PDCD11: variants seen among roughly 807,000 people sequenced by gnomAD.
The protein encoded by PDCD11 is protein RRP5 homolog.
PDCD11 carries 97 observed loss-of-function variants against 198.9 expected under a neutral mutation model. The ratio of observed to expected loss-of-function variants is 0.49; its 90% CI spans 0.41 to 0.58. PDCD11 has a LOEUF of 0.58. PDCD11 is among the 20% of genes least tolerant of loss of function. The probability of loss-of-function intolerance (pLI) is 0.00; values close to 1 mark genes in which losing one functional copy is unlikely to be tolerated. For missense variants in PDCD11, 2,102 were observed against 2,312.7 expected (o/e 0.91, Z 1.87); for synonymous variants, 893 against 918.0 (o/e 0.97, Z 0.49).
chr10:103,425,731 G>A (rs1217894754), intron 20 of PDCD11, among the ~76,000 whole-genome samples: 1 of 151,932 alleles, frequency 6.6e-6, no homozygotes, highest in Non-Finnish European at 1.5e-5. Flanking sequence ...CCAGGCTGAA[G>A]TGCAGTGGTG....
chr10:103,416,792 C>G, intron 13 of PDCD11, 50 bp downstream of exon 13: 1 of 1,591,434 alleles, frequency 6.3e-7, no homozygotes, highest in South Asian at 1.1e-5. Context: ...ACCCCACAAA[C>G]ACAAATATGA....
chr10:103,442,655 TC>T (rs1376542434), intron 32 of PDCD11, among the ~76,000 whole-genome samples, 195 bp downstream of exon 32: 3 of 152,200 alleles, frequency 2.0e-5, no homozygotes, highest in Admixed American at 2.0e-4. Context: ...TATTTTATAG[TC>T]TTCTTCCCTG....
chr10:103,425,485 A>G lies in PDCD11; in HGVS notation c.3265A>G (p.Thr1089Ala). The change falls in exon 20 of 36, where the codon ACT becomes GCT. Residue 1089 changes from threonine to alanine, a missense_variant. Transcript: ENST00000369797. ...TTKLKVGKTV[T>A]ARVIGGRDMK... is the part of the protein sequence containing the mutation. ...CAAGCTGAAGGTTGGGAAGACGGTCACTGCCCGAGTGATTGGCGGGCGAGA... is the reference window on the plus strand; with the variant it reads ...CAAGCTGAAGGTTGGGAAGACGGTCGCTGCCCGAGTGATTGGCGGGCGAGA... 6.2e-7 allele frequency: 1 copy of G among 1,612,398 alleles called. No homozygotes were observed. The highest frequency in any genetic ancestry group is 1.1e-5 in the South Asian group (1 of 91,064).
intron 15 of PDCD11, 152 bp from the exon 16 acceptor site, chr10:103,419,386 C>T (rs939142706): frequency 7.6e-6 from 6 of 790,270 alleles, no homozygotes; most frequent in African/African-American, 1.7e-5. Flanking sequence ...AAGTTTCAGG[C>T]GATGTTGATG....
At chr10:103,425,575 G>T in intron 20 of PDCD11, 50 bp downstream of exon 20, 1 of 1,536,868 alleles carries the variant, frequency 6.5e-7, no homozygotes, top group Non-Finnish European at 8.9e-7. Flanking sequence ...TGTTGTTGTT[G>T]TGGGAGGACT....
At chr10:103,440,952 A>G in intron 30 of PDCD11, 102 bp downstream of exon 30, 1 of 818,696 alleles carries the variant, frequency 1.2e-6, no homozygotes, top group Non-Finnish European at 1.9e-6. Context: ...ATAAAATACG[A>G]AAGCAGGGGC....
rs114777110 is a variant in PDCD11, at chr10:103,397,690, T to G, written c.-11-726T>G. Among the ~76,000 whole-genome samples, 118 of 152,358 alleles carry G rather than the reference T, an allele frequency of 7.7e-4. 1 individual carries two copies. The highest frequency in any genetic ancestry group is 2.6e-3 in the African/African-American group (110 of 41,588). Reference sequence around the variant, plus strand: ...CTCAGATGATCCACGCGCCTCGGGCTCCCGAAGTGCTGGCATTACAGGTGT... The same window carrying G: ...CTCAGATGATCCACGCGCCTCGGGCGCCCGAAGTGCTGGCATTACAGGTGT... On this transcript the variant is annotated intron_variant, in intron 1 of 35. Coordinates refer to ENST00000369797, the MANE Select transcript of PDCD11 (RefSeq NM_014976.2).
In PDCD11 at chr10:103,416,559, A is replaced by G. The variant is rs900001474; in HGVS notation, c.1587A>G (p.Lys529=). 4 of 1,614,042 alleles carry G rather than the reference A, an allele frequency of 2.5e-6. No individual in the cohort carries two copies. The highest frequency in any genetic ancestry group is 3.3e-5 in the Admixed American group (2 of 60,000). Residue 529 remains lysine, a synonymous_variant, in exon 13 of 36, where the codon AAA becomes AAG. Coordinates refer to ENST00000369797, the MANE Select transcript of PDCD11 (RefSeq NM_014976.2). ...TGAAAAAAACCCTGATTGAGTCCAAACTACCTGTCATTACCTGCTATGCCG... is the reference window on the plus strand; with the variant it reads ...TGAAAAAAACCCTGATTGAGTCCAAGCTACCTGTCATTACCTGCTATGCCG... ...MTLKKTLIES[K]LPVITCYADA... is the part of the protein sequence containing the mutation.
rs150174567 is a variant in PDCD11 at position 103,423,946 on chromosome 10, C to T, written c.2763+288C>T. 3.4e-3 allele frequency among the ~76,000 whole-genome samples: 513 copies of T among 152,250 alleles called. 2 individuals are homozygous for T. Among genetic ancestry groups the T allele is most frequent in the Middle Eastern group, 0.01 (3 of 294 alleles). On this transcript the variant is annotated intron_variant, in intron 19 of 35. Coordinates refer to ENST00000369797, the MANE Select transcript of PDCD11 (RefSeq NM_014976.2). ...TGGGTAGGGAGTGGCTGGCCTGGGA[C>T]TCTGACGAGCTGGAGAGTGCATGCC... is the stretch of plus-strand genomic sequence containing the variant.
chr10:103,418,489 C>CT lies in PDCD11; in HGVS notation c.1962dup (p.Val655CysfsTer33). The CT allele has an allele frequency of 6.2e-7, 1 of 1,614,096 alleles. No homozygotes were observed. The highest frequency in any genetic ancestry group is 1.1e-5 in the South Asian group (1 of 91,084). ...AAGACCAAAGATGGGCTGGAGGTGG[C>CT]TGTCCTGCCCCACAACATCCGTGCT... On this transcript the variant is annotated frameshift_variant, in exon 15 of 36. Transcript: ENST00000369797. LOFTEE classifies it high-confidence loss of function.
At chr10:103,404,358 A>G (rs1421423276) in intron 4 of PDCD11, among the ~76,000 whole-genome samples, 1 of 147,062 alleles carries the variant, frequency 6.8e-6, no homozygotes, top group Middle Eastern at 4.3e-3. Context: ...GAGTGCAGTG[A>G]CATGATCTCA....
At chr10:103,444,460 T>G in intron 34 of PDCD11, 57 bp from the exon 35 acceptor site, 5 of 1,504,484 alleles carry the variant, frequency 3.3e-6, no homozygotes, top group Non-Finnish European at 3.7e-6. Flanking sequence ...CGGAACACTG[T>G]GTTGTGGTGA....
At position 103,440,521 on chromosome 10, in the gene PDCD11, C is replaced by T; in HGVS notation, c.4380C>T (p.Pro1460=). 1 of 1,613,420 alleles carries T rather than the reference C, an allele frequency of 6.2e-7. No individual in the cohort carries two copies. The highest frequency in any genetic ancestry group is 8.5e-7 in the Non-Finnish European group (1 of 1,179,938). ...TGCCCAGCAAGGAGAAGCAACAGCC[C>T]CAGAAGCCACAGGCGCAGAAGCGGG... ...VEMPSKEKQQ[P]QKPQAQKRGG... Residue 1460 remains proline (P), a synonymous_variant, in exon 29 of 36, where the codon CCC becomes CCT. Transcript: ENST00000369797.
chr10:103,408,684 GCACCCA>G (rs2030610574), intron 7 of PDCD11, among the ~76,000 whole-genome samples: 1 of 152,028 alleles, frequency 6.6e-6, no homozygotes, highest in African/African-American at 2.4e-5. Context: ...GGGACTACAG[GCACCCA>G]CCACCACACC....
At chr10:103,408,931 G>T (rs1211759357) in intron 7 of PDCD11, among the ~76,000 whole-genome samples, 1 of 152,134 alleles carries the variant, frequency 6.6e-6, no homozygotes, top group Non-Finnish European at 1.5e-5. Flanking sequence ...GTCTTCTCTG[G>T]CATGTTAGAT....
chr10:103,429,313 C>T (rs867328039), intron 21 of PDCD11, among the ~76,000 whole-genome samples: 62 of 152,278 alleles, frequency 4.1e-4, no homozygotes, highest in Admixed American at 1.0e-3. Flanking sequence ...GTACTGCCAA[C>T]CCTTCTTTTT....
In PDCD11 at chr10:103,425,021, A is replaced by C; in HGVS notation, c.2801A>C (p.His934Pro). ...AGCGAACACCAGGCGATTGTGCAGC[A>C]CTTGGAGAAGTCCTTTGCCATTGCC... Reference protein sequence around the residue: ...KGSEHQAIVQHLEKSFAIASL... With the variant: ...KGSEHQAIVQPLEKSFAIASL... The change falls in exon 20 of 36, where the codon CAC (histidine) becomes CCC (proline). Residue 934 changes from histidine to proline, a missense_variant. By Grantham distance (77) the His-to-Pro change is moderately conservative. Coordinates refer to ENST00000369797, the MANE Select transcript of PDCD11 (RefSeq NM_014976.2). 6.2e-7 allele frequency: 1 copy of C among 1,614,258 alleles called. No homozygotes were observed. The highest frequency in any genetic ancestry group is 8.5e-7 in the Non-Finnish European group (1 of 1,180,050).
chr10:103,405,434 C>T (rs572994914), intron 5 of PDCD11: 173 of 315,648 alleles, frequency 5.5e-4, no homozygotes, highest in African/African-American at 3.4e-3. Context: ...GTCGGAGTTT[C>T]GCTGTTGTTG....
chr10:103,400,639 ATATAT>A (rs1189021602), intron 3 of PDCD11, 111 bp downstream of exon 3: 15 of 1,099,498 alleles, frequency 1.4e-5, no homozygotes, highest in South Asian at 6.3e-5. Context: ...TTTCCCCTTA[ATATAT>A]TATATTTCAT....
Sources: allele counts gnomAD v4.1 joint callset (sites outside exome capture counted in the v4.1 genomes callset), GRCh38; gene constraint gnomAD v4.1.1; transcripts MANE v1.5; gene names NCBI Gene and HGNC (gene_info 2026-07-23, HGNC 2026-07-21).